MYO3A: variants seen among roughly 807,000 people sequenced by gnomAD.
MYO3A encodes myosin-IIIa.
Under a neutral mutation model 192.7 loss-of-function variants are expected in MYO3A, and 180 were observed. The observed-to-expected ratio is 0.93, with a 90% CI of 0.83 to 1.06. The LOEUF is 1.06. MYO3A is among the 50% of genes least tolerant of loss of function. The probability of loss-of-function intolerance (pLI) is 0.00; values close to 1 mark genes in which losing one functional copy is unlikely to be tolerated. For missense variants in MYO3A, 1,896 were observed against 1,905.0 expected, an observed-to-expected ratio of 1.00 and a Z score of 0.09; for synonymous variants, 628 against 645.3, an observed-to-expected ratio of 0.97 and a Z score of 0.41.
chr10:26,096,247 A>G (rs1285701499), intron 15 of MYO3A, 134 bp from the exon 16 acceptor site: 1 of 676,358 alleles, frequency 1.5e-6, no homozygotes, highest in East Asian at 2.7e-5. Flanking sequence ...TAATGACCAC[A>G]GAAAGCCAAA....
intron 4 of MYO3A, among the ~76,000 whole-genome samples, chr10:25,972,185 A>G (rs949790254): frequency 1.3e-5 from 2 of 151,902 alleles, no homozygotes; most frequent in Non-Finnish European, 2.9e-5. Flanking sequence ...TTCATATTTT[A>G]TAATCCCAAT....
rs968146187 is a variant in MYO3A at position 25,995,666 on chromosome 10, T to C, written c.304-824T>C. On this transcript the variant is annotated intron_variant, in intron 4 of 34. Transcript: ENST00000642920. ...CCTTTGGTCTTTAATGATGGTGACA[T>C]ACAGATGGGGTTTTGGTGTGGATGT... 3.9e-5 allele frequency among the ~76,000 whole-genome samples: 6 copies of C among 152,254 alleles called. 1 individual carries two copies. The highest frequency in any genetic ancestry group is 8.8e-5 in the Non-Finnish European group (6 of 68,048).
intron 24 of MYO3A, 105 bp downstream of exon 24, chr10:26,154,034 T>A: frequency 1.2e-6 from 1 of 835,506 alleles, no homozygotes; most frequent in Non-Finnish European, 2.0e-6. Flanking sequence ...TTAGTTTTTC[T>A]CCCTTTGATC....
chr10:26,170,027 A>T (rs186670370), intron 28 of MYO3A, among the ~76,000 whole-genome samples: 3 of 152,380 alleles, frequency 2.0e-5, no homozygotes, highest in Non-Finnish European at 2.9e-5. Context: ...CTTAAAAAAA[A>T]TTAATCTGAA....
intron 10 of MYO3A, among the ~76,000 whole-genome samples, chr10:26,047,768 C>G (rs1843717291): frequency 6.6e-6 from 1 of 150,846 alleles, no homozygotes; most frequent in Non-Finnish European, 1.5e-5. Context: ...GAGCCAGACT[C>G]CATCTCAATA....
chr10:26,199,181 T>C (rs1403499627), intron 32 of MYO3A, among the ~76,000 whole-genome samples: 1 of 152,216 alleles, frequency 6.6e-6, no homozygotes, highest in Non-Finnish European at 1.5e-5. Context: ...ATTATTTTGA[T>C]TGTATAACGA....
intron 6 of MYO3A, among the ~76,000 whole-genome samples, chr10:26,009,667 T>A (rs10508709): frequency 0.094 from 14,295 of 152,250 alleles, 1,181 homozygotes; most frequent in African/African-American, 0.21. Flanking sequence ...AGAAATTTTA[T>A]TAAGAGCTAC....
At chr10:26,131,146 A>G (rs1160961305) in intron 20 of MYO3A, among the ~76,000 whole-genome samples, 2 of 152,208 alleles carry the variant, frequency 1.3e-5, no homozygotes, top group Non-Finnish European at 2.9e-5. Context: ...AAACCAATAA[A>G]CATTATTTTT....
intron 2 of MYO3A, among the ~76,000 whole-genome samples, chr10:25,939,671 G>A (rs530314276): frequency 1.3e-5 from 2 of 151,676 alleles, no homozygotes; most frequent in East Asian, 1.9e-4. Context: ...GCAATCATAC[G>A]TGCTCAGAGA....
chr10:25,996,601 C>T lies in MYO3A; in HGVS notation c.408+7C>T. ...TTTACATGAAGCACTAATGGTAAGG[C>T]AATTTAAATTGTATGTGCATTAATT... On this transcript the variant is annotated splice_region_variant and intron_variant, in intron 5 of 34. Transcript: ENST00000642920. 2 of 1,601,230 alleles carry T rather than the reference C, an allele frequency of 1.2e-6. No homozygotes were observed. Among genetic ancestry groups the T allele is most frequent in the Non-Finnish European group, 1.7e-6 (2 of 1,168,736 alleles).
At chr10:26,022,013 T>C (rs899713554) in intron 8 of MYO3A, 1 of 172,004 alleles carries the variant, frequency 5.8e-6, no homozygotes, top group Admixed American at 5.8e-5. Flanking sequence ...CTAGTAATTT[T>C]TTACTACTTG....
chr10:26,105,181 C>T (rs1462118381), intron 17 of MYO3A, among the ~76,000 whole-genome samples: 1 of 152,082 alleles, frequency 6.6e-6, no homozygotes, highest in African/African-American at 2.4e-5. Context: ...GAAGTATGTC[C>T]TTATTGACTG....
chr10:26,148,808 T>C lies in MYO3A; in HGVS notation c.2635+1249T>C, dbSNP rs1381855108. 2.6e-5 allele frequency among the ~76,000 whole-genome samples: 4 copies of C among 152,228 alleles called. No individual in the cohort carries two copies. The East Asian group carries it at 5.8e-4, about 22-fold the overall frequency. ...GTTTTTGCCAGTATATGAAGTCTAA[T>C]TGATTTTTGTATATTGATTTTTTGC... On this transcript the variant is annotated intron_variant, in intron 23 of 34. Coordinates refer to ENST00000642920, the MANE Select transcript of MYO3A (RefSeq NM_017433.5).
At chr10:26,080,611 T>TG (rs1835865307) in intron 14 of MYO3A, among the ~76,000 whole-genome samples, 1 of 71,380 alleles carries the variant, frequency 1.4e-5, no homozygotes, top group African/African-American at 5.0e-5. Context: ...GGGGCGGGGG[T>TG]GGGTGTTGAA....
intron 14 of MYO3A, among the ~76,000 whole-genome samples, chr10:26,081,909 A>G (rs1439540313): frequency 1.5e-4 from 22 of 149,800 alleles, no homozygotes; most frequent in Admixed American, 1.2e-3. Context: ...GGACACTCAC[A>G]GTATTTGGAG....
intron 4 of MYO3A, among the ~76,000 whole-genome samples, chr10:25,978,280 A>G (rs1041890516): frequency 3.9e-5 from 6 of 152,248 alleles, no homozygotes; most frequent in African/African-American, 1.4e-4. Context: ...CAGTAAAGAC[A>G]TACCCAAGAC....
chr10:26,097,856 T>C, intron 17 of MYO3A, among the ~76,000 whole-genome samples: 1 of 152,186 alleles, frequency 6.6e-6, no homozygotes, highest in East Asian at 1.9e-4. Context: ...TATGTGTGCA[T>C]GTGTCTTTTT....
At chr10:26,140,328 A>G (rs779118784) in intron 20 of MYO3A, among the ~76,000 whole-genome samples, 12 of 152,188 alleles carry the variant, frequency 7.9e-5, no homozygotes, top group Admixed American at 2.0e-4. Context: ...TGTTTAGGCC[A>G]AGCTTCTGTG....
At chr10:26,202,806 A>G in intron 33 of MYO3A, 158 bp from the exon 34 acceptor site, 1 of 769,266 alleles carries the variant, frequency 1.3e-6, no homozygotes, top group Non-Finnish European at 2.0e-6. Flanking sequence ...TATGGGATAC[A>G]CTGTTTTTCC....
Sources: allele counts gnomAD v4.1 joint callset (sites outside exome capture counted in the v4.1 genomes callset), GRCh38; gene constraint gnomAD v4.1.1; transcripts MANE v1.5; gene names NCBI Gene and HGNC (gene_info 2026-07-23, HGNC 2026-07-21).